Variants in PPP3CA observed in about 807,000 individuals in gnomAD.
PPP3CA encodes the protein protein phosphatase 3 catalytic subunit alpha, also known as CAM-PRP catalytic subunit.
Under a neutral mutation model 66.5 loss-of-function variants are expected in PPP3CA, and 14 were observed. The observed-to-expected ratio is 0.21, with a 90% CI of 0.14 to 0.33. PPP3CA has a LOEUF of 0.33. PPP3CA is among the 10% of genes least tolerant of loss of function. PPP3CA has a pLI of 1.00. For synonymous variants in PPP3CA, 232 were observed against 226.2 expected, an observed-to-expected ratio of 1.03 and a Z score of -0.23; for missense variants, 317 against 639.5, an observed-to-expected ratio of 0.50 and a Z score of 5.44.
At chr4:101,099,958 C>T (rs1560601413) in intron 3 of PPP3CA, among the ~76,000 whole-genome samples, 1 of 151,304 alleles carries the variant, frequency 6.6e-6, no homozygotes, top group Non-Finnish European at 1.5e-5. Flanking sequence ...TCATATACCA[C>T]AAGAAAACAA....
chr4:101,114,012 A>T (rs1386212818), intron 2 of PPP3CA, among the ~76,000 whole-genome samples: 5 of 152,110 alleles, frequency 3.3e-5, no homozygotes, highest in Non-Finnish European at 7.4e-5. Flanking sequence ...GTTCACACTT[A>T]AATGCTTCCC....
intron 2 of PPP3CA, among the ~76,000 whole-genome samples, chr4:101,178,145 A>G (rs1169069898): frequency 1.3e-5 from 2 of 152,092 alleles, no homozygotes; most frequent in African/African-American, 4.8e-5. Context: ...ATGTTAGGTA[A>G]CTTGTGGGCA....
chr4:101,176,595 G>A (rs1199668196), intron 2 of PPP3CA, among the ~76,000 whole-genome samples: 2 of 152,110 alleles, frequency 1.3e-5, no homozygotes, highest in Non-Finnish European at 2.9e-5. Context: ...ACTATTTAGA[G>A]CAGAAAATAG....
At chr4:101,093,434 T>G (rs1156773044) in intron 6 of PPP3CA, among the ~76,000 whole-genome samples, 2 of 152,022 alleles carry the variant, frequency 1.3e-5, no homozygotes, top group Non-Finnish European at 2.9e-5. Context: ...ACAATGCTAT[T>G]GTACACTTAA....
intron 3 of PPP3CA, among the ~76,000 whole-genome samples, chr4:101,102,609 T>C (rs1260062581): frequency 6.6e-6 from 1 of 152,098 alleles, no homozygotes; most frequent in Non-Finnish European, 1.5e-5. Flanking sequence ...TACAACACTG[T>C]CTTGCCGGCA....
chr4:101,331,420 A>C (rs116165698), intron 1 of PPP3CA, among the ~76,000 whole-genome samples: 2,126 of 152,318 alleles, frequency 0.014, 37 homozygotes, highest in African/African-American at 0.04. Context: ...AAAAAAACAA[A>C]TGAAGAATAA....
At chr4:101,039,134 A>G (rs887445148) in intron 11 of PPP3CA, among the ~76,000 whole-genome samples, 1 of 144,994 alleles carries the variant, frequency 6.9e-6, no homozygotes, top group African/African-American at 2.5e-5. Flanking sequence ...CTAGCCATAC[A>G]GGCCTCCTTG....
chr4:101,164,497 C>T (rs1338532957), intron 2 of PPP3CA, among the ~76,000 whole-genome samples: 1 of 151,358 alleles, frequency 6.6e-6, no homozygotes, highest in Non-Finnish European at 1.5e-5. Context: ...TCCTCTCCCT[C>T]TTGTCCCCTA....
At chr4:101,215,066 T>G (rs1324356736) in intron 1 of PPP3CA, among the ~76,000 whole-genome samples, 4 of 152,020 alleles carry the variant, frequency 2.6e-5, no homozygotes, top group Non-Finnish European at 4.4e-5. Flanking sequence ...CTCATGTCCT[T>G]TCCTGAGATT....
At chr4:101,090,897 T>G (rs968026819) in intron 6 of PPP3CA, among the ~76,000 whole-genome samples, 2 of 114,164 alleles carry the variant, frequency 1.8e-5, no homozygotes, top group African/African-American at 4.1e-5. Flanking sequence ...TATACACACA[T>G]ATCTGTGTCT....
At chr4:101,210,643 G>A (rs1044451687) in intron 1 of PPP3CA, among the ~76,000 whole-genome samples, 1 of 152,020 alleles carries the variant, frequency 6.6e-6, no homozygotes, top group Non-Finnish European at 1.5e-5. Flanking sequence ...AACACACAAA[G>A]CTTGCTCTCC....
chr4:101,197,357 C>T (rs1177737828), intron 1 of PPP3CA, among the ~76,000 whole-genome samples: 1 of 152,194 alleles, frequency 6.6e-6, no homozygotes, highest in Admixed American at 6.5e-5. Flanking sequence ...TGAACCTGTA[C>T]AGATGGATGC....
At chr4:101,263,965 A>G (rs1727087976) in intron 1 of PPP3CA, among the ~76,000 whole-genome samples, 1 of 152,158 alleles carries the variant, frequency 6.6e-6, no homozygotes, top group Non-Finnish European at 1.5e-5. Context: ...AGATGGTAAA[A>G]AGGGTGCCTT....
rs139959937 is a variant in PPP3CA, at chr4:101,339,997, T to C, written c.58+6742A>G. ...AGAAAGACTCTAAGTCTAAGAATCTTAGAGCTGATGAAAATTTTTTTAATT... is the reference window on the plus strand; with the variant it reads ...AGAAAGACTCTAAGTCTAAGAATCTCAGAGCTGATGAAAATTTTTTTAATT... On this transcript the variant is annotated intron_variant, in intron 1 of 13. Transcript: ENST00000394854. 2.7e-3 allele frequency among the ~76,000 whole-genome samples: 411 copies of C among 152,304 alleles called. 2 individuals carry two copies. Among genetic ancestry groups the C allele is most frequent in the Non-Finnish European group, 4.7e-3 (317 of 68,010 alleles).
rs184514170 is a variant in PPP3CA, at chr4:101,038,541, C to T, written c.1241+1941G>A. ...CGTGTCACCATGCCCGGCTAATTTT[C>T]GTATTTTTAGTAGAGACAGGGTTTC... On this transcript the variant is annotated intron_variant, in intron 11 of 13. Transcript: ENST00000394854. 4.0e-3 allele frequency among the ~76,000 whole-genome samples: 610 copies of T among 151,548 alleles called. 4 individuals are homozygous for T. Among genetic ancestry groups the T allele is most frequent in the African/African-American group, 0.014 (571 of 41,322 alleles).
intron 2 of PPP3CA, among the ~76,000 whole-genome samples, chr4:101,155,493 G>C (rs546441355): frequency 6.6e-5 from 10 of 152,308 alleles, no homozygotes; most frequent in South Asian, 2.1e-4. Context: ...TCATGGGACA[G>C]AGGCAAGCAC....
intron 1 of PPP3CA, among the ~76,000 whole-genome samples, chr4:101,320,061 T>C (rs983731891): frequency 6.6e-6 from 1 of 152,106 alleles, no homozygotes; most frequent in African/African-American, 2.4e-5. Flanking sequence ...AGCCAAAATA[T>C]TAACAAGGAT....
rs543856131 is a variant in PPP3CA at position 101,244,726 on chromosome 4, G to A, written c.59-48610C>T. Reference sequence around the variant, plus strand: ...TTTCAGAAGAATTCAAAATACTTCAGTACCTATTCCTTGAAGTTGTGCTAT... The same window carrying A: ...TTTCAGAAGAATTCAAAATACTTCAATACCTATTCCTTGAAGTTGTGCTAT... On this transcript the variant is annotated intron_variant, in intron 1 of 13. Transcript: ENST00000394854. Among the ~76,000 whole-genome samples, 11 of 152,302 alleles carry A rather than the reference G, an allele frequency of 7.2e-5. No homozygotes were observed. The South Asian group carries it at 2.1e-3, about 29-fold the overall frequency.
At chr4:101,068,546 G>T (rs1361166404) in intron 8 of PPP3CA, among the ~76,000 whole-genome samples, 1 of 151,974 alleles carries the variant, frequency 6.6e-6, no homozygotes, top group African/African-American at 2.4e-5. Context: ...ATTACTTTTT[G>T]GGGGTACAAT....
Sources: allele counts gnomAD v4.1 joint callset (sites outside exome capture counted in the v4.1 genomes callset), GRCh38; gene constraint gnomAD v4.1.1; transcripts MANE v1.5; gene names NCBI Gene and HGNC (gene_info 2026-07-23, HGNC 2026-07-21).